The following ELP3 variants were observed in gnomAD, a reference collection of about 807,000 sequenced individuals.
The protein encoded by ELP3 is elongator complex protein 3.
A neutral mutation model predicts 74.9 loss-of-function variants in ELP3; 56 were observed. The observed-to-expected ratio is 0.75, with a 90% CI of 0.60 to 0.93. ELP3 has a LOEUF of 0.93. ELP3 is among the 40% of genes least tolerant of loss of function. ELP3 has a pLI of 0.00. For synonymous variants in ELP3, 222 were observed against 239.8 expected (o/e 0.93, Z 0.68); for missense variants, 573 against 686.5 (o/e 0.83, Z 1.85).
Position 28,101,456 on chromosome 8 carries a change from A to G in ELP3, c.258+1490A>G, listed in dbSNP as rs572768310. Among the ~76,000 whole-genome samples, 3 of 152,198 alleles carry G rather than the reference A, an allele frequency of 2.0e-5. No homozygotes were observed. In the East Asian group the frequency reaches 5.8e-4, roughly 29 times the overall value. ...CAAAAAAACTTGTTAAGAAAAACTA[A>G]TAGTCCATGCCCCTCACCTCCCTTT... On this transcript the variant is annotated intron_variant, in intron 3 of 14. Coordinates refer to ENST00000256398, the MANE Select transcript of ELP3 (RefSeq NM_018091.6).
chr8:28,109,441 C>T (rs1811826969), intron 5 of ELP3, among the ~76,000 whole-genome samples: 1 of 152,174 alleles, frequency 6.6e-6, no homozygotes, highest in Admixed American at 6.5e-5. Flanking sequence ...CTTTTTCACT[C>T]TTCCCCCTAC....
upstream of ELP3, chr8:28,090,270 A>G (rs11779927): frequency 0.31 from 121,978 of 399,400 alleles, 19,979 homozygotes; most frequent in South Asian, 0.35. Context: ...TGCAAGGAGG[A>G]GTGGCCAACT....
intron 10 of ELP3, among the ~76,000 whole-genome samples, chr8:28,146,871 G>A (rs1214738671): frequency 6.6e-6 from 1 of 152,172 alleles, no homozygotes. Flanking sequence ...TTCTCATAGT[G>A]GCAGACGTAA....
At chr8:28,176,740 C>T (rs1814773062) in intron 14 of ELP3, among the ~76,000 whole-genome samples, 1 of 152,188 alleles carries the variant, frequency 6.6e-6, no homozygotes, top group African/African-American at 2.4e-5. Flanking sequence ...AGGGGTCCCT[C>T]TTCCTACCAG....
intron 14 of ELP3, among the ~76,000 whole-genome samples, chr8:28,165,219 A>G (rs1247033114): frequency 1.3e-5 from 2 of 152,264 alleles, no homozygotes; most frequent in African/African-American, 4.8e-5. Context: ...ACCCCTTAGT[A>G]TCTTCTTTAG....
At chr8:28,137,932 G>C (rs1206972684) in intron 10 of ELP3, 41 bp downstream of exon 10, 1 of 1,486,044 alleles carries the variant, frequency 6.7e-7, no homozygotes, top group East Asian at 2.4e-5. Context: ...TTGGTGACTA[G>C]TCTGTTTACT....
chr8:28,186,814 C>T (rs1815257885), intron 14 of ELP3, among the ~76,000 whole-genome samples: 1 of 152,190 alleles, frequency 6.6e-6, no homozygotes, highest in African/African-American at 2.4e-5. Flanking sequence ...TTCATGAGGG[C>T]AGAGCCCTCA....
At chr8:28,101,031 T>C (rs1182272916) in intron 3 of ELP3, among the ~76,000 whole-genome samples, 1 of 152,202 alleles carries the variant, frequency 6.6e-6, no homozygotes, top group Non-Finnish European at 1.5e-5. Flanking sequence ...AATTAAACCC[T>C]AAAATTTTTA....
chr8:28,096,315 T>C (rs544244054), intron 1 of ELP3, among the ~76,000 whole-genome samples: 2 of 152,364 alleles, frequency 1.3e-5, no homozygotes, highest in East Asian at 1.9e-4. Flanking sequence ...ACAATAAATG[T>C]AATGCACTTG....
Position 28,189,968 on chromosome 8 carries a change from C to A in ELP3, c.*243C>A. 2.3e-6 allele frequency: 1 copy of A among 430,980 alleles called. No individual in the cohort carries two copies. Among genetic ancestry groups the A allele is most frequent in the Non-Finnish European group, 4.2e-6 (1 of 239,684 alleles). 26.7% of individuals were successfully genotyped at this position (430,980 alleles called of 1,614,324 possible). A position where few individuals can be genotyped will look rare whatever the true frequency, so the allele number is the denominator to read the frequency against. On this transcript the variant is annotated 3_prime_UTR_variant, in exon 15 of 15. Transcript: ENST00000256398. Reference sequence around the variant, plus strand: ...CTTGCGTTTTTGAGGCTTAAATCATCTATCCAGTTTCTACATTTTGCATGA... The same window carrying A: ...CTTGCGTTTTTGAGGCTTAAATCATATATCCAGTTTCTACATTTTGCATGA...
Position 28,134,372 on chromosome 8 carries a change from G to C in ELP3, c.906+1968G>C, listed in dbSNP as rs186390008. ...GCAAGGACAACCTTTCTTGTAAACA[G>C]ATTTATTTGCTTGTTTGTAGTCTTT... is the stretch of plus-strand genomic sequence containing the variant. On this transcript the variant is annotated intron_variant, in intron 9 of 14. Coordinates refer to ENST00000256398, the MANE Select transcript of ELP3 (RefSeq NM_018091.6). 3.7e-3 allele frequency among the ~76,000 whole-genome samples: 557 copies of C among 152,292 alleles called. 1 individual carries two copies. The highest frequency in any genetic ancestry group is 5.5e-3 in the Non-Finnish European group (377 of 68,020).
At chr8:28,174,823 G>C (rs930106219) in intron 14 of ELP3, among the ~76,000 whole-genome samples, 3 of 152,120 alleles carry the variant, frequency 2.0e-5, no homozygotes, top group Non-Finnish European at 4.4e-5. Flanking sequence ...TATAGGGCAG[G>C]TTTAGTAGTA....
At chr8:28,173,709 A>G (rs1397609745) in intron 14 of ELP3, among the ~76,000 whole-genome samples, 2 of 151,602 alleles carry the variant, frequency 1.3e-5, no homozygotes, top group African/African-American at 2.4e-5. Context: ...AAATGTGATC[A>G]TATGTATCTG....
rs552327579 is a variant in ELP3 at position 28,110,298 on chromosome 8, A to T, written c.394-72A>T. 146 of 1,339,200 alleles carry T rather than the reference A, an allele frequency of 1.1e-4. No individual in the cohort carries two copies. In the African/African-American group the frequency reaches 1.6e-3, roughly 15 times the overall value. The allele number at this position is 1,339,200 out of a possible 1,614,324, so 83.0% of individuals were successfully genotyped here. On this transcript the variant is annotated intron_variant, in intron 5 of 14. Coordinates refer to ENST00000256398, the MANE Select transcript of ELP3 (RefSeq NM_018091.6). The stretch of plus-strand genomic sequence containing the variant: ...TTCGGAACCATGGAGAGTTTTTTTT[A>T]AAATACAGTCCTTTTGAAACTACTT...
chr8:28,165,720 G>A (rs351766), intron 14 of ELP3, among the ~76,000 whole-genome samples: 87,747 of 152,016 alleles, frequency 0.58, 26,776 homozygotes, highest in East Asian at 0.93. Flanking sequence ...TTGGGTTTAT[G>A]ATCTTGGATT....
intron 4 of ELP3, among the ~76,000 whole-genome samples, 188 bp from the exon 5 acceptor site, chr8:28,107,725 A>G (rs2130380377): frequency 6.6e-6 from 1 of 152,314 alleles, no homozygotes; most frequent in East Asian, 1.9e-4. Context: ...CCCTTTACAT[A>G]TTTATCTTAT....
chr8:28,178,617 G>A (rs1397080474), intron 14 of ELP3, among the ~76,000 whole-genome samples: 2 of 152,158 alleles, frequency 1.3e-5, no homozygotes, highest in Non-Finnish European at 2.9e-5. Flanking sequence ...GAATATTCTT[G>A]TGTATGTATT....
rs1563254406 is a variant in ELP3, at chr8:28,115,148, T to A, written c.617+1975T>A. On this transcript the variant is annotated intron_variant, in intron 7 of 14. Coordinates refer to ENST00000256398, the MANE Select transcript of ELP3 (RefSeq NM_018091.6). ...ATCTCAGAGGGAGAAAATCAAGAGT[T>A]CTGTTTTGGATGTGTGAAGTCTGAA... Among the ~76,000 whole-genome samples the A allele has an allele frequency of 2.6e-5, 4 of 151,938 alleles. No homozygotes were observed. The South Asian group carries it at 8.3e-4, about 32-fold the overall frequency.
At chr8:28,139,808 G>A (rs1275125571) in intron 10 of ELP3, among the ~76,000 whole-genome samples, 1 of 152,146 alleles carries the variant, frequency 6.6e-6, no homozygotes, top group East Asian at 1.9e-4. Context: ...GGCCAGACGT[G>A]GTGGCAGGTG....
Sources: gnomAD v4.1 joint callset for allele counts (sites outside exome capture counted in the v4.1 genomes callset) on GRCh38, gnomAD v4.1.1 for gene constraint, MANE v1.5 for transcripts, NCBI Gene and HGNC (gene_info 2026-07-23, HGNC 2026-07-21) for gene names.